CFAP47: variants seen among roughly 807,000 people sequenced by gnomAD.
CFAP47 encodes cilia and flagella associated protein 47.
CFAP47 carries 29 observed loss-of-function variants against 148.1 expected under a neutral mutation model. That is an observed-to-expected ratio of 0.20 (90% confidence interval 0.15 to 0.27). The LOEUF (loss-of-function observed/expected upper bound fraction) is 0.27, where lower values mean the gene tolerates loss of function less well. CFAP47 is among the 10% of genes least tolerant of loss of function. The probability of loss-of-function intolerance (pLI) is 1.00; values close to 1 mark genes in which losing one functional copy is unlikely to be tolerated. For synonymous variants in CFAP47, 664 were observed against 577.3 expected, an observed-to-expected ratio of 1.15 and a Z score of -2.15; for missense variants, 1,872 against 1,697.5, an observed-to-expected ratio of 1.10 and a Z score of -1.81.
chrX:35,989,653 C>A, intron 16 of CFAP47: 1 of 942,634 alleles, frequency 1.1e-6, no homozygotes, highest in Non-Finnish European at 1.4e-6. Flanking sequence ...TATTAAGAGA[C>A]ACAAAAAGTA....
intron 56 of CFAP47, among the ~76,000 whole-genome samples, chrX:36,314,715 A>C (rs905116555): frequency 9.0e-6 from 1 of 111,457 alleles, no homozygotes; most frequent in African/African-American, 3.3e-5. Flanking sequence ...TCTATCTATC[A>C]TCTATCTACC....
chrX:35,976,767 A>G (rs1450736353), intron 15 of CFAP47, among the ~76,000 whole-genome samples: 2 of 112,272 alleles, frequency 1.8e-5, no homozygotes, highest in East Asian at 5.6e-4. Flanking sequence ...AATATTTAAT[A>G]CAACTCATAA....
chrX:36,102,531 GT>G (rs1938394292), intron 32 of CFAP47, among the ~76,000 whole-genome samples: 1 of 110,929 alleles, frequency 9.0e-6, no homozygotes, highest in Non-Finnish European at 1.9e-5. Context: ...TAAGCACTCA[GT>G]GTAATGGCTC....
intron 26 of CFAP47, among the ~76,000 whole-genome samples, chrX:36,048,118 C>G (rs765625505): frequency 8.9e-6 from 1 of 112,014 alleles, no homozygotes; most frequent in Non-Finnish European, 1.9e-5. Flanking sequence ...CCTTGCCTTT[C>G]TCTCTTTAGG....
intron 63 of CFAP47, among the ~76,000 whole-genome samples, chrX:36,384,155 A>G (rs1023063304): frequency 4.5e-5 from 5 of 110,127 alleles, no homozygotes; most frequent in South Asian, 3.9e-4. Context: ...AGCCTGGCCA[A>G]TGTGGAGATA....
chrX:35,932,320 C>T (rs1279023323), intron 2 of CFAP47, among the ~76,000 whole-genome samples: 4 of 100,965 alleles, frequency 4.0e-5, no homozygotes, highest in African/African-American at 1.5e-4. Context: ...AGTGCAATGG[C>T]GCAATCTCGG....
intron 63 of CFAP47, among the ~76,000 whole-genome samples, chrX:36,383,608 A>C: frequency 8.9e-6 from 1 of 111,744 alleles, no homozygotes; most frequent in Non-Finnish European, 1.9e-5. Flanking sequence ...CTTTTGACAC[A>C]CTGATTCTGA....
chrX:35,932,780 C>T (rs1276993314), intron 2 of CFAP47, among the ~76,000 whole-genome samples: 1 of 110,411 alleles, frequency 9.1e-6, no homozygotes, highest in Non-Finnish European at 1.9e-5. Context: ...GCACGTGCCA[C>T]CATGCCCAGC....
chrX:36,384,394 C>G (rs1363943747), intron 63 of CFAP47, among the ~76,000 whole-genome samples: 1 of 111,747 alleles, frequency 8.9e-6, no homozygotes, highest in African/African-American at 3.3e-5. Context: ...TATGTACTTT[C>G]ATAATCTTCA....
intron 62 of CFAP47, among the ~76,000 whole-genome samples, chrX:36,378,295 CA>C (rs782668485): frequency 1.8e-5 from 2 of 112,008 alleles, no homozygotes; most frequent in South Asian, 7.4e-4. Flanking sequence ...CAGATCATAA[CA>C]ACCCATTTTC....
At chrX:36,359,812 A>T (rs1285961674) in intron 60 of CFAP47, among the ~76,000 whole-genome samples, 1 of 111,084 alleles carries the variant, frequency 9.0e-6, no homozygotes, top group Non-Finnish European at 1.9e-5. Context: ...GTGTGATGGC[A>T]CAATCTCGGC....
intron 8 of CFAP47, among the ~76,000 whole-genome samples, chrX:35,956,915 C>T (rs909749290): frequency 1.8e-5 from 2 of 111,400 alleles, no homozygotes; most frequent in African/African-American, 6.5e-5. Context: ...TACTTTCATA[C>T]AAAAAGACAG....
At position 36,175,951 on chromosome X, in the gene CFAP47, G is replaced by A. The variant is rs774598691; in HGVS notation, c.6027-3394G>A. 6.1e-4 allele frequency among the ~76,000 whole-genome samples: 68 copies of A among 111,862 alleles called. 1 individual carries two copies. The highest frequency in any genetic ancestry group is 5.1e-3 in the Admixed American group (55 of 10,684). On this transcript the variant is annotated intron_variant, in intron 39 of 63. Coordinates refer to ENST00000378653, the MANE Select transcript of CFAP47 (RefSeq NM_001304548.2). ...AGACTGCTGTGCTAGCAATCAGCGA[G>A]ACTCCGTGGGCGTAGGACCCTCCGA...
intron 29 of CFAP47, among the ~76,000 whole-genome samples, chrX:36,077,184 T>C (rs926514205): frequency 1.5e-4 from 3 of 20,422 alleles, no homozygotes; most frequent in South Asian, 2.6e-3. Context: ...CGCCTCCAGC[T>C]TTTTTTTTTT....
At position 36,145,267 on chromosome X, in the gene CFAP47, G is replaced by A; in HGVS notation, c.5584G>A (p.Val1862Ile). Residue 1862 changes from valine (V) to isoleucine (I), a missense_variant, in exon 36 of 64, where the codon GTC becomes ATC. By Grantham distance (29) the Val-to-Ile change is conservative. Coordinates refer to ENST00000378653, the MANE Select transcript of CFAP47 (RefSeq NM_001304548.2). ...TCCAATCCTGATGCTCATGCTTTGTGTCTACATGTATGAAAGACTCCCTAC... is the reference window on the plus strand; with the variant it reads ...TCCAATCCTGATGCTCATGCTTTGTATCTACATGTATGAAAGACTCCCTAC... ...PNPILMLMLC[V>I]YMYERLPTYL... 1 of 301,994 alleles carries A rather than the reference G, an allele frequency of 3.3e-6. No individual in the cohort carries two copies. Among genetic ancestry groups the A allele is most frequent in the East Asian group, 4.7e-5 (1 of 21,250 alleles). 24.9% of individuals were successfully genotyped at this position (301,994 alleles called of 1,213,427 possible). A position where few individuals can be genotyped will look rare whatever the true frequency, so the allele number is the denominator to read the frequency against.
chrX:36,348,370 A>G, intron 58 of CFAP47, 82 bp downstream of exon 58: 1 of 465,921 alleles, frequency 2.1e-6, no homozygotes, highest in Non-Finnish European at 3.2e-6. Context: ...TACATGTTAT[A>G]CATATATAAT....
At chrX:36,063,001 A>G (rs1937606646) in intron 26 of CFAP47, among the ~76,000 whole-genome samples, 1 of 112,052 alleles carries the variant, frequency 8.9e-6, no homozygotes, top group African/African-American at 3.2e-5. Flanking sequence ...GCCCATTTAC[A>G]TTTTCATTAA....
At chrX:35,960,813 A>G (rs1220884693) in intron 8 of CFAP47, among the ~76,000 whole-genome samples, 2 of 111,492 alleles carry the variant, frequency 1.8e-5, no homozygotes, top group Non-Finnish European at 3.8e-5. Flanking sequence ...AATGGAGGTC[A>G]CTTTACATCT....
intron 33 of CFAP47, among the ~76,000 whole-genome samples, chrX:36,114,897 G>A (rs868772045): frequency 8.9e-6 from 1 of 112,273 alleles, no homozygotes; most frequent in Non-Finnish European, 1.9e-5. Flanking sequence ...GCTAGTGGGT[G>A]CTGGGATTCC....
Sources: allele counts gnomAD v4.1 joint callset (sites outside exome capture counted in the v4.1 genomes callset), GRCh38; gene constraint gnomAD v4.1.1; transcripts MANE v1.5; gene names NCBI Gene and HGNC (gene_info 2026-07-23, HGNC 2026-07-21).